The following BRD8 variants were observed in gnomAD, a reference collection of about 807,000 sequenced individuals.
BRD8 encodes bromodomain containing 8.
A neutral mutation model predicts 143.1 loss-of-function variants in BRD8; 67 were observed. The observed-to-expected ratio is 0.47, with a 90% confidence interval of 0.38 to 0.57. The LOEUF (loss-of-function observed/expected upper bound fraction) is 0.57, where lower values mean the gene tolerates loss of function less well. BRD8 is among the 20% of genes least tolerant of loss of function. BRD8 has a pLI of 0.00. For synonymous variants in BRD8, 505 were observed against 517.1 expected, an observed-to-expected ratio of 0.98 and a Z score of 0.32; for missense variants, 1,103 against 1,503.0, an observed-to-expected ratio of 0.73 and a Z score of 4.40.
At chr5:138,144,789 C>T (rs1417522496) in intron 25 of BRD8, among the ~76,000 whole-genome samples, 1 of 150,256 alleles carries the variant, frequency 6.7e-6, no homozygotes, top group Non-Finnish European at 1.5e-5. Context: ...GTAGTCTTAG[C>T]TACTTGGGAG....
chr5:138,148,861 TCAAGACAAGCCTGGGCAATATAG>T (rs1363944841), intron 23 of BRD8, among the ~76,000 whole-genome samples: 2 of 151,528 alleles, frequency 1.3e-5, no homozygotes, highest in Non-Finnish European at 2.9e-5. Flanking sequence ...AACCAGGAGT[TCAAGACAAGCCTGGGCAATATAG>T]CAAGGCCAGC....
chr5:138,157,491 T>G (rs1752683535), intron 20 of BRD8, among the ~76,000 whole-genome samples: 4 of 152,128 alleles, frequency 2.6e-5, no homozygotes, highest in Non-Finnish European at 5.9e-5. Flanking sequence ...TCATGCCCAC[T>G]ACAGAGGTCC....
intron 25 of BRD8, among the ~76,000 whole-genome samples, chr5:138,142,572 G>A (rs1056629521): frequency 2.6e-5 from 4 of 151,508 alleles, no homozygotes; most frequent in Admixed American, 1.3e-4. Context: ...AGACCATCCT[G>A]GCCAACATAG....
intron 2 of BRD8, among the ~76,000 whole-genome samples, chr5:138,174,184 A>G (rs1754122639): frequency 7.7e-6 from 1 of 130,216 alleles, no homozygotes; most frequent in Non-Finnish European, 1.6e-5. Flanking sequence ...GTGTGTGTAT[A>G]CATATATATT....
chr5:138,174,361 G>A (rs576904869), intron 2 of BRD8, among the ~76,000 whole-genome samples: 4 of 152,196 alleles, frequency 2.6e-5, no homozygotes, highest in South Asian at 2.1e-4. Flanking sequence ...TTGGGAGGCC[G>A]AGGCAGGTGG....
chr5:138,158,765 T>C (rs1006104279), intron 20 of BRD8, among the ~76,000 whole-genome samples: 1 of 146,614 alleles, frequency 6.8e-6, no homozygotes, highest in Non-Finnish European at 1.5e-5. Context: ...ATTACTGAGA[T>C]TGTTTTTTTT....
At chr5:138,167,273 A>AAAC (rs756397602) in intron 9 of BRD8, among the ~76,000 whole-genome samples, 32 of 151,734 alleles carry the variant, frequency 2.1e-4, no homozygotes, top group Non-Finnish European at 3.2e-4. Flanking sequence ...GTCTCAAAAA[A>AAAC]AACAACAACA....
intron 11 of BRD8, 53 bp downstream of exon 11, chr5:138,165,775 G>C: frequency 7.7e-7 from 1 of 1,302,608 alleles, no homozygotes; most frequent in East Asian, 2.4e-5. Context: ...AGGCTGAAAA[G>C]AGAAGCCTAT....
chr5:138,168,457 G>C (rs1229038521), intron 8 of BRD8: 2 of 1,579,280 alleles, frequency 1.3e-6, no homozygotes, highest in Admixed American at 3.5e-5. Flanking sequence ...AACACCCACA[G>C]AAGTCTCCAT....
chr5:138,174,976 G>C (rs530368559), intron 2 of BRD8, among the ~76,000 whole-genome samples: 1 of 146,344 alleles, frequency 6.8e-6, no homozygotes, highest in Non-Finnish European at 1.5e-5. Context: ...TGCAAGCCCC[G>C]CCTCCTGGGT....
Position 138,149,812 on chromosome 5 carries a change from A to G in BRD8, c.3121-15T>C. On this transcript the variant is annotated splice_polypyrimidine_tract_variant and intron_variant, in intron 22 of 26. Coordinates refer to ENST00000254900, the MANE Select transcript of BRD8 (RefSeq NM_139199.2). ...TGAGCCTCCCCCTAGGAATGCCAGGAAACAGGAAACTTTAGAAGGAGATTT... is the reference window on the plus strand; with the variant it reads ...TGAGCCTCCCCCTAGGAATGCCAGGGAACAGGAAACTTTAGAAGGAGATTT... 6.3e-7 allele frequency: 1 copy of G among 1,587,656 alleles called. No individual in the cohort carries two copies. Among genetic ancestry groups the G allele is most frequent in the Non-Finnish European group, 8.5e-7 (1 of 1,171,862 alleles).
At chr5:138,161,979 A>G in intron 16 of BRD8, 75 bp downstream of exon 16, 1 of 1,566,850 alleles carries the variant, frequency 6.4e-7, no homozygotes, top group Non-Finnish European at 8.8e-7. Flanking sequence ...ACAGAAGCCT[A>G]CTCAGACTTT....
At chr5:138,153,678 T>C (rs35706162) in intron 20 of BRD8, among the ~76,000 whole-genome samples, 16,428 of 88,140 alleles carry the variant, frequency 0.19, 947 homozygotes, top group South Asian at 0.26. Context: ...CTTTTCTTTT[T>C]TTTTTTTTTT....
At chr5:138,154,328 G>A (rs757711223) in intron 20 of BRD8, among the ~76,000 whole-genome samples, 10 of 151,628 alleles carry the variant, frequency 6.6e-5, no homozygotes, top group African/African-American at 2.2e-4. Context: ...ATTTTTCTCC[G>A]TATTGCCACC....
At chr5:138,168,167 A>T in intron 8 of BRD8, 89 bp from the exon 9 acceptor site, 1 of 888,816 alleles carries the variant, frequency 1.1e-6, no homozygotes, top group Non-Finnish European at 1.8e-6. Context: ...ATCAAACTTC[A>T]TGAAAACTAA....
chr5:138,170,495 C>T, intron 6 of BRD8, 86 bp from the exon 7 acceptor site: 4 of 1,445,132 alleles, frequency 2.8e-6, no homozygotes, highest in Non-Finnish European at 3.9e-6. Flanking sequence ...ATTTTTTTTG[C>T]CAGGCCAGCA....
chr5:138,152,594 C>T lies in BRD8; in HGVS notation c.2744G>A (p.Ser915Asn). The change falls in exon 21 of 27, where the codon AGC (serine) becomes AAC (asparagine). Residue 915 changes from serine (S) to asparagine (N), a missense_variant. Physicochemically the swap from Ser to Asn is conservative, Grantham distance 46. Transcript: ENST00000254900. ...TTCACTAGGTTCTCTCTCCGGGCTG[C>T]TTTCCTCTAGTTCCTCAGCCTCTGG... ...EDPEAEELEE[S>N]SPEREPSELL... 1 of 1,614,218 alleles carries T rather than the reference C, an allele frequency of 6.2e-7. No homozygotes were observed. Among genetic ancestry groups the T allele is most frequent in the Non-Finnish European group, 8.5e-7 (1 of 1,180,042 alleles).
rs139709765 is a variant in BRD8 at position 138,150,904 on chromosome 5, G to A, written c.2961C>T (p.Ser987=). The A allele has an allele frequency of 9.2e-5, 149 of 1,614,048 alleles. No individual in the cohort carries two copies. In the African/African-American group the frequency reaches 1.1e-3, roughly 12 times the overall value. The change falls in exon 22 of 27, where the codon AGC becomes AGT. Residue 987 remains serine (S), a synonymous_variant. Transcript: ENST00000254900. ...CTCTGCAGAGCTCCCTTTCTCCTTC[G>A]CTAGCTTTAATTTCCCTTCCTTCTT... The part of the protein sequence containing the change: ...TRQEGREIKA[S]EGERELCRET...
chr5:138,164,653 C>T, intron 12 of BRD8, 61 bp downstream of exon 12: 1 of 1,569,366 alleles, frequency 6.4e-7, no homozygotes, highest in South Asian at 1.2e-5. Context: ...AAAGCCTAAG[C>T]TGTCACTTCT....
Sources: allele counts gnomAD v4.1 joint callset (sites outside exome capture counted in the v4.1 genomes callset), GRCh38; gene constraint gnomAD v4.1.1; transcripts MANE v1.5; gene names NCBI Gene and HGNC (gene_info 2026-07-23, HGNC 2026-07-21).